TOM1L2: variants seen among roughly 807,000 people sequenced by gnomAD.
The protein encoded by TOM1L2 is TOM1-like protein 2.
In TOM1L2, 31 loss-of-function variants were observed where a neutral mutation model predicts 67.9. The observed-to-expected ratio is 0.46, with a 90% CI of 0.34 to 0.62. The LOEUF (loss-of-function observed/expected upper bound fraction) is 0.62. TOM1L2 is among the 20% of genes least tolerant of loss of function. The probability of loss-of-function intolerance (pLI) is 0.01; values close to 1 mark genes in which losing one functional copy is unlikely to be tolerated. For missense variants in TOM1L2, 606 were observed against 663.5 expected, an observed-to-expected ratio of 0.91 and a Z score of 0.95; for synonymous variants, 256 against 254.0, an observed-to-expected ratio of 1.01 and a Z score of -0.07.
At chr17:17,882,028 A>G (rs903162764) in intron 6 of TOM1L2, among the ~76,000 whole-genome samples, 1 of 152,182 alleles carries the variant, frequency 6.6e-6, no homozygotes, top group Admixed American at 6.5e-5. Context: ...GGATTCTTCT[A>G]AAGAGCACTC....
chr17:17,965,059 C>T (rs1183454011), intron 1 of TOM1L2, among the ~76,000 whole-genome samples: 2 of 152,214 alleles, frequency 1.3e-5, no homozygotes, highest in Non-Finnish European at 1.5e-5. Flanking sequence ...TGTCCCTACC[C>T]TTGACCACAG....
At chr17:17,896,151 G>A (rs561383928) in intron 3 of TOM1L2, among the ~76,000 whole-genome samples, 2 of 152,156 alleles carry the variant, frequency 1.3e-5, no homozygotes, top group South Asian at 4.1e-4. Flanking sequence ...GATCCATGGG[G>A]GCACTGAAAT....
At position 17,843,596 on chromosome 17, in the gene TOM1L2, G is replaced by C. The variant is rs1247540733; in HGVS notation, c.*4039C>G. The C allele has an allele frequency of 2.0e-5, 3 of 152,310 alleles. No homozygotes were observed. Among genetic ancestry groups the C allele is most frequent in the Non-Finnish European group, 4.4e-5 (3 of 68,058 alleles). The allele number at this position is 152,310 out of a possible 1,614,324, so 9.4% of individuals were successfully genotyped here. A position where few individuals can be genotyped will look rare whatever the true frequency, so the allele number is the denominator to read the frequency against. ...GGTATCTGGAAGGAGGGCCAGTGGG[G>C]TGGATGGATGCTCTGAGCCTCGGGT... On this transcript the variant is annotated 3_prime_UTR_variant, in exon 15 of 15. Transcript: ENST00000379504.
rs543127770 is a variant in TOM1L2 at position 17,972,334 on chromosome 17, C to A, written c.-21G>T. On this transcript the variant is annotated 5_prime_UTR_variant, in exon 1 of 15. Transcript: ENST00000379504. ...TCCATCTTGGGTGGACAACACGCAG[C>A]GGCCCGGGCCCCCTGTCTGCCACCT... The A allele has an allele frequency of 4.3e-5, 67 of 1,549,528 alleles. No homozygotes were observed. Among genetic ancestry groups the A allele is most frequent in the Non-Finnish European group, 5.7e-5 (65 of 1,147,144 alleles).
chr17:17,947,188 G>A (rs987078585), intron 1 of TOM1L2, among the ~76,000 whole-genome samples: 8 of 151,876 alleles, frequency 5.3e-5, no homozygotes, highest in Non-Finnish European at 1.2e-4. Context: ...ACCATCCAGT[G>A]AGCTTTTCAG....
chr17:17,938,496 TG>T (rs1382849133), intron 1 of TOM1L2, among the ~76,000 whole-genome samples: 1 of 152,128 alleles, frequency 6.6e-6, no homozygotes, highest in Non-Finnish European at 1.5e-5. Flanking sequence ...GGAGAGGCAC[TG>T]GGGAGGAATA....
chr17:17,883,050 G>C (rs1598260772), intron 5 of TOM1L2, among the ~76,000 whole-genome samples, 187 bp from the exon 6 acceptor site: 1 of 152,164 alleles, frequency 6.6e-6, no homozygotes, highest in Admixed American at 6.5e-5. Context: ...GGGAAGTGGG[G>C]CTGCCAATGG....
chr17:17,853,265 A>C (rs776087817), intron 12 of TOM1L2, among the ~76,000 whole-genome samples: 10 of 152,216 alleles, frequency 6.6e-5, no homozygotes, highest in Non-Finnish European at 1.5e-4. Context: ...TAGCGGTTAG[A>C]GTGTGCACCA....
At chr17:17,945,723 T>A (rs1241097982) in intron 1 of TOM1L2, among the ~76,000 whole-genome samples, 1 of 152,154 alleles carries the variant, frequency 6.6e-6, no homozygotes, top group Non-Finnish European at 1.5e-5. Flanking sequence ...TAAAACTGGA[T>A]CTTAAGTATC....
intron 1 of TOM1L2, among the ~76,000 whole-genome samples, chr17:17,923,358 G>A (rs944122670): frequency 3.3e-5 from 5 of 151,872 alleles, no homozygotes; most frequent in South Asian, 2.1e-4. Context: ...CCGAGATCGC[G>A]CCACTGCATT....
intron 4 of TOM1L2, among the ~76,000 whole-genome samples, chr17:17,889,616 A>G (rs2038172811): frequency 6.6e-6 from 1 of 152,180 alleles, no homozygotes; most frequent in South Asian, 2.1e-4. Flanking sequence ...AGGAGGTGTT[A>G]GGGAGGCACG....
chr17:17,925,985 A>T (rs1165209815), intron 1 of TOM1L2, among the ~76,000 whole-genome samples: 1 of 152,098 alleles, frequency 6.6e-6, no homozygotes, highest in Non-Finnish European at 1.5e-5. Flanking sequence ...AGCCTGGGTA[A>T]CACAGCAAGA....
chr17:17,897,951 A>T (rs1198560712), intron 3 of TOM1L2, among the ~76,000 whole-genome samples: 1 of 148,830 alleles, frequency 6.7e-6, no homozygotes, highest in Non-Finnish European at 1.5e-5. Context: ...TTTGAGACGA[A>T]GTCTCACTCT....
At chr17:17,896,227 A>C (rs570245448) in intron 3 of TOM1L2, among the ~76,000 whole-genome samples, 44 of 152,048 alleles carry the variant, frequency 2.9e-4, no homozygotes, top group Non-Finnish European at 5.4e-4. Flanking sequence ...GATTCTCTAA[A>C]ACCTTCCTCC....
chr17:17,870,221 C>T (rs938080409), intron 7 of TOM1L2, among the ~76,000 whole-genome samples: 2 of 152,166 alleles, frequency 1.3e-5, no homozygotes, highest in Non-Finnish European at 2.9e-5. Context: ...CGCACACCCC[C>T]GGTTGCCCCT....
At chr17:17,865,526 G>A (rs1046830923) in intron 10 of TOM1L2, among the ~76,000 whole-genome samples, 8 of 151,256 alleles carry the variant, frequency 5.3e-5, no homozygotes, top group Admixed American at 2.0e-4. Context: ...ACAGGTGCCC[G>A]CCACCAAGTC....
chr17:17,866,768 C>T, intron 9 of TOM1L2, 108 bp downstream of exon 9: 1 of 1,172,068 alleles, frequency 8.5e-7, no homozygotes, highest in Non-Finnish European at 1.3e-6. Context: ...CTTCAATTTC[C>T]CAAATATTTC....
At chr17:17,867,264 C>T (rs1015823615) in intron 8 of TOM1L2, among the ~76,000 whole-genome samples, 1 of 152,080 alleles carries the variant, frequency 6.6e-6, no homozygotes, top group African/African-American at 2.4e-5. Flanking sequence ...TGCAGACTCC[C>T]TATTTCATAG....
At chr17:17,869,026 G>GTATCATTAAA in intron 8 of TOM1L2, 1 of 290,370 alleles carries the variant, frequency 3.4e-6, no homozygotes. Context: ...CTGGGGCCCA[G>GTATCATTAAA]AGGCCCCCAA....
Sources: allele counts gnomAD v4.1 joint callset (sites outside exome capture counted in the v4.1 genomes callset), GRCh38; gene constraint gnomAD v4.1.1; transcripts MANE v1.5; gene names NCBI Gene and HGNC (gene_info 2026-07-23, HGNC 2026-07-21).